SEPTIN11: variants seen among roughly 807,000 people sequenced by gnomAD.
The protein encoded by SEPTIN11 is septin-11.
Under a neutral mutation model 51.4 loss-of-function variants are expected in SEPTIN11, and 25 were observed. The observed-to-expected ratio is 0.49, with a 90% confidence interval of 0.35 to 0.68. The LOEUF (loss-of-function observed/expected upper bound fraction) is 0.68. SEPTIN11 is among the 30% of genes least tolerant of loss of function. The pLI is 0.00. For missense variants in SEPTIN11, 381 were observed against 520.8 expected, an observed-to-expected ratio of 0.73 and a Z score of 2.61; for synonymous variants, 174 against 184.1, an observed-to-expected ratio of 0.95 and a Z score of 0.44.
chr4:76,995,901 C>T (rs1334703840), intron 1 of SEPTIN11: 3 of 1,535,606 alleles, frequency 2.0e-6, no homozygotes, highest in Admixed American at 2.0e-5. Flanking sequence ...AGGAAACCAG[C>T]TCATGTGCTG....
At chr4:76,986,082 C>CT (rs1357956057) in intron 1 of SEPTIN11, among the ~76,000 whole-genome samples, 1 of 152,082 alleles carries the variant, frequency 6.6e-6, no homozygotes, top group African/African-American at 2.4e-5. Context: ...ATACTGATGA[C>CT]TTCAAGTCTT....
At chr4:76,954,935 CTTTG>C (rs1721496818) in intron 1 of SEPTIN11, among the ~76,000 whole-genome samples, 2 of 151,764 alleles carry the variant, frequency 1.3e-5, no homozygotes, top group African/African-American at 2.4e-5. Context: ...CAAGTGGGAG[CTTTG>C]TTTGTTCTTG....
rs530111201 is a variant in SEPTIN11, at chr4:76,976,652, C to T, written c.28-19773C>T. 7.2e-5 allele frequency among the ~76,000 whole-genome samples: 11 copies of T among 152,344 alleles called. No homozygotes were observed. The South Asian group carries it at 2.3e-3, about 32-fold the overall frequency. On this transcript the variant is annotated intron_variant, in intron 1 of 9. Coordinates refer to ENST00000264893, the MANE Select transcript of SEPTIN11 (RefSeq NM_018243.4). ...GAGCCATCCCACTCTGTAGTATCTTCTTGCTTGGCGTCAGCATTTTAGACT... is the reference window on the plus strand; with the variant it reads ...GAGCCATCCCACTCTGTAGTATCTTTTTGCTTGGCGTCAGCATTTTAGACT...
intron 1 of SEPTIN11, among the ~76,000 whole-genome samples, chr4:76,975,486 A>T (rs947213778): frequency 6.6e-6 from 1 of 152,234 alleles, no homozygotes; most frequent in Non-Finnish European, 1.5e-5. Flanking sequence ...AACTTATTAC[A>T]TGTTAATGTA....
chr4:76,961,947 G>A (rs1721842549), intron 1 of SEPTIN11, among the ~76,000 whole-genome samples: 1 of 152,152 alleles, frequency 6.6e-6, no homozygotes, highest in Non-Finnish European at 1.5e-5. Context: ...CTAATTTAAT[G>A]TTTTGTGAAT....
chr4:77,035,204 A>C lies in SEPTIN11; in HGVS notation c.*692A>C. 1.0e-6 allele frequency: 1 copy of C among 985,446 alleles called. No homozygotes were observed. The highest frequency in any genetic ancestry group is 1.2e-6 in the Non-Finnish European group (1 of 829,936). The allele number at this position is 985,446 out of a possible 1,614,324, so 61.0% of individuals were successfully genotyped here. ...AGACTGGTATGAGAAAACTATGATT[A>C]GTTCACATTTACTGGTGCATCCTTG... is the stretch of plus-strand genomic sequence containing the variant. On this transcript the variant is annotated 3_prime_UTR_variant, in exon 10 of 10. Transcript: ENST00000264893.
intron 1 of SEPTIN11, among the ~76,000 whole-genome samples, chr4:76,969,302 G>A (rs574872379): frequency 1.1e-3 from 160 of 152,126 alleles, no homozygotes; most frequent in Non-Finnish European, 1.7e-3. Flanking sequence ...GAGACAGGGT[G>A]AATGAGCCTC....
intron 1 of SEPTIN11, among the ~76,000 whole-genome samples, chr4:76,980,475 G>T (rs374404601): frequency 1.3e-5 from 2 of 152,124 alleles, no homozygotes; most frequent in African/African-American, 4.8e-5. Flanking sequence ...TCCTTATATC[G>T]GTGGCTGCAG....
rs1341596863 is a variant in SEPTIN11, at chr4:77,020,502, T to C, written c.785T>C (p.Val262Ala). Residue 262 changes from valine (V) to alanine (A), a missense_variant and splice_region_variant, in exon 7 of 10, where the codon GTT becomes GCT. Coordinates refer to ENST00000264893, the MANE Select transcript of SEPTIN11 (RefSeq NM_018243.4). ...CCGCCATTTCCCCCCTCTCTTGTAGTTGAGAATGAAAATCATTGCGATTTT... is the reference window on the plus strand; with the variant it reads ...CCGCCATTTCCCCCCTCTCTTGTAGCTGAGAATGAAAATCATTGCGATTTT... Reference protein sequence around the residue: ...ARQYPWGVVQVENENHCDFVK... With the variant: ...ARQYPWGVVQAENENHCDFVK... 5 of 1,613,646 alleles carry C rather than the reference T, an allele frequency of 3.1e-6. No individual in the cohort carries two copies. The highest frequency in any genetic ancestry group is 1.1e-5 in the South Asian group (1 of 91,050).
At chr4:77,003,928 G>A (rs1724301450) in intron 2 of SEPTIN11, among the ~76,000 whole-genome samples, 1 of 152,068 alleles carries the variant, frequency 6.6e-6, no homozygotes, top group South Asian at 2.1e-4. Flanking sequence ...GTTCTATATT[G>A]GCAAGTTTAA....
In SEPTIN11 at chr4:76,981,180, T is replaced by C. The variant is rs535623006; in HGVS notation, c.28-15245T>C. ...GAGAGCTGATGGGATTTATAACGGA[T>C]TGTTGTATGCAGTTGCATTTTCCCT... is the stretch of plus-strand genomic sequence containing the variant. On this transcript the variant is annotated intron_variant, in intron 1 of 9. Transcript: ENST00000264893. Among the ~76,000 whole-genome samples, 122 of 152,336 alleles carry C rather than the reference T, an allele frequency of 8.0e-4. 1 individual carries two copies. The highest frequency in any genetic ancestry group is 2.9e-3 in the African/African-American group (120 of 41,584).
chr4:77,018,381 A>G (rs563804397), intron 5 of SEPTIN11, among the ~76,000 whole-genome samples: 3 of 151,984 alleles, frequency 2.0e-5, no homozygotes, highest in Admixed American at 1.3e-4. Context: ...CCCGGAGGGC[A>G]GAGCTTGCAG....
In SEPTIN11 at chr4:76,995,941, A is replaced by G. The variant is rs147908030; in HGVS notation, c.28-484A>G. The G allele has an allele frequency of 1.8e-4, 282 of 1,535,484 alleles. 3 individuals are homozygous for G. The African/African-American group carries it at 3.6e-3, about 20-fold the overall frequency. On this transcript the variant is annotated intron_variant, in intron 1 of 9. Coordinates refer to ENST00000264893, the MANE Select transcript of SEPTIN11 (RefSeq NM_018243.4). ...GTTTTAAATATGCTGCATTTATGGT[A>G]GGTAGAGCATTGTCATCATTGTAAG...
chr4:76,999,415 A>T (rs17329855), intron 2 of SEPTIN11, among the ~76,000 whole-genome samples: 7 of 152,060 alleles, frequency 4.6e-5, no homozygotes, highest in African/African-American at 1.7e-4. Flanking sequence ...AACAGCATCC[A>T]TGGTAACTTT....
intron 1 of SEPTIN11, among the ~76,000 whole-genome samples, chr4:76,969,851 C>T (rs1177454209): frequency 1.3e-5 from 2 of 152,158 alleles, no homozygotes; most frequent in African/African-American, 4.8e-5. Flanking sequence ...TGCTTTCCTC[C>T]AGTTCTTAAA....
rs1436455892 is a variant in SEPTIN11, at chr4:77,034,997, G to A, written c.*485G>A. 6 of 986,008 alleles carry A rather than the reference G, an allele frequency of 6.1e-6. No homozygotes were observed. Among genetic ancestry groups the A allele is most frequent in the Admixed American group, 6.1e-5 (1 of 16,284 alleles). The allele number at this position is 986,008 out of a possible 1,614,324, so 61.1% of individuals were successfully genotyped here. On this transcript the variant is annotated 3_prime_UTR_variant, in exon 10 of 10. Coordinates refer to ENST00000264893, the MANE Select transcript of SEPTIN11 (RefSeq NM_018243.4). ...TTCTCCACACTTGTCCTAAGCCAAG[G>A]TAGATTTGTACGTAGACAGACTGGT...
At chr4:77,008,331 G>C (rs1724628827) in intron 3 of SEPTIN11, among the ~76,000 whole-genome samples, 1 of 152,224 alleles carries the variant, frequency 6.6e-6, no homozygotes, top group South Asian at 2.1e-4. Flanking sequence ...ATGATAGTTA[G>C]CCCTCAAAGG....
chr4:77,022,335 A>G (rs1189048530), intron 7 of SEPTIN11, among the ~76,000 whole-genome samples: 1 of 152,186 alleles, frequency 6.6e-6, no homozygotes, highest in African/African-American at 2.4e-5. Context: ...TGGTCCTGCT[A>G]CGCTACAAGT....
intron 3 of SEPTIN11, among the ~76,000 whole-genome samples, chr4:77,010,842 C>T (rs1294503891): frequency 6.6e-6 from 1 of 152,152 alleles, no homozygotes; most frequent in Non-Finnish European, 1.5e-5. Flanking sequence ...TGAGTAGTCC[C>T]TTTGGAGACC....
Sources: gnomAD v4.1 joint callset for allele counts (sites outside exome capture counted in the v4.1 genomes callset) on GRCh38, gnomAD v4.1.1 for gene constraint, MANE v1.5 for transcripts, NCBI Gene and HGNC (gene_info 2026-07-23, HGNC 2026-07-21) for gene names.